The following PLSCR5 variants were observed in gnomAD, a reference collection of about 807,000 sequenced individuals.
PLSCR5 encodes the protein phospholipid scramblase family, member 5.
PLSCR5 carries 44 observed loss-of-function variants against 33.6 expected under a neutral mutation model. That is an observed-to-expected ratio of 1.31 (90% CI 1.03 to 1.69). The LOEUF is 1.69. Ranked by LOEUF, PLSCR5 falls within the 40% of genes most tolerant of loss-of-function variation. The probability of loss-of-function intolerance (pLI) is 0.00; values close to 1 mark genes in which losing one functional copy is unlikely to be tolerated. For synonymous variants in PLSCR5, 148 were observed against 112.3 expected (o/e 1.32, Z -2.01); for missense variants, 375 against 318.7 (o/e 1.18, Z -1.34).
At chr3:146,599,679 CTT>C (rs34180865) in intron 2 of PLSCR5, among the ~76,000 whole-genome samples, 14,062 of 139,134 alleles carry the variant, frequency 0.1, 751 homozygotes, top group East Asian at 0.16. Context: ...CTTTTCTTTT[CTT>C]TTTTTTTTTT....
chr3:146,604,229 A>G (rs1472996406), intron 1 of PLSCR5, among the ~76,000 whole-genome samples: 1 of 152,124 alleles, frequency 6.6e-6, no homozygotes, highest in Non-Finnish European at 1.5e-5. Flanking sequence ...CTGACAATGA[A>G]ATGAAAGCAC....
chr3:146,601,193 T>G (rs933000757), intron 1 of PLSCR5, among the ~76,000 whole-genome samples: 7 of 151,800 alleles, frequency 4.6e-5, no homozygotes, highest in Admixed American at 2.6e-4. Context: ...ATTTTGAAAT[T>G]TGGGGGTTTG....
At chr3:146,584,335 TC>T (rs1483810445), downstream of PLSCR5, among the ~76,000 whole-genome samples, 1 of 152,114 alleles carries the variant, frequency 6.6e-6, no homozygotes, top group Non-Finnish European at 1.5e-5. Context: ...CTCAAGGAGA[TC>T]CCCAAAGATC....
chr3:146,585,597 A>T (rs946265782), downstream of PLSCR5, among the ~76,000 whole-genome samples: 3 of 152,086 alleles, frequency 2.0e-5, no homozygotes, highest in African/African-American at 4.8e-5. Context: ...TTTTGAAAAA[A>T]TGTTTTAGAA....
chr3:146,586,077 T>G lies in PLSCR5; in HGVS notation c.813A>C (p.Leu271Phe), dbSNP rs2044663676. ...ATTGTTTTCATTATCTTGGTTATTA[T>G]AATCCAGCCAGTGAATGTTCAAAGA... ...FMFFEHSLAGL is the reference protein window; with the variant it reads ...FMFFEHSLAGF The change falls in exon 7 of 8, where the codon TTA (leucine) becomes TTC (phenylalanine). Residue 271 changes from leucine (L) to phenylalanine (F), a missense_variant. Coordinates refer to ENST00000443512, the MANE Select transcript of PLSCR5 (RefSeq NM_001085420.2). The G allele has an allele frequency of 6.7e-7, 1 of 1,485,896 alleles. No homozygotes were observed. Among genetic ancestry groups the G allele is most frequent in the Non-Finnish European group, 9.0e-7 (1 of 1,115,566 alleles). 92.0% of individuals were successfully genotyped at this position (1,485,896 alleles called of 1,614,324 possible).
At chr3:146,600,191 G>T in intron 2 of PLSCR5, 97 bp downstream of exon 2, 1 of 933,744 alleles carries the variant, frequency 1.1e-6, no homozygotes, top group Non-Finnish European at 1.4e-6. Context: ...GTAAATTATT[G>T]GTTAAATTCT....
chr3:146,593,448 G>T (rs951834681), intron 4 of PLSCR5, among the ~76,000 whole-genome samples: 4 of 152,100 alleles, frequency 2.6e-5, no homozygotes, highest in African/African-American at 7.2e-5. Flanking sequence ...CAATAACATT[G>T]TCTTGCCAAA....
At chr3:146,603,156 T>C (rs1179906069) in intron 1 of PLSCR5, among the ~76,000 whole-genome samples, 1 of 152,276 alleles carries the variant, frequency 6.6e-6, no homozygotes, top group Non-Finnish European at 1.5e-5. Flanking sequence ...TTTGGTTTAG[T>C]AGTGCTGATT....
chr3:146,598,370 C>T (rs1213417227), intron 2 of PLSCR5, among the ~76,000 whole-genome samples: 1 of 152,060 alleles, frequency 6.6e-6, no homozygotes, highest in Non-Finnish European at 1.5e-5. Context: ...TTTATATGTG[C>T]ACTGCTTTAA....
chr3:146,597,600 C>T (rs343282), intron 2 of PLSCR5, among the ~76,000 whole-genome samples: 110,697 of 152,086 alleles, frequency 0.73, 40,394 homozygotes, highest in African/African-American at 0.76. Context: ...TTGTTTTAGG[C>T]TGTTCTTGTA....
chr3:146,597,005 T>C (rs1417178290), intron 2 of PLSCR5, among the ~76,000 whole-genome samples: 2 of 152,174 alleles, frequency 1.3e-5, no homozygotes, highest in Admixed American at 6.6e-5. Flanking sequence ...AACGGAGTGG[T>C]AAGCCTCAAC....
intron 6 of PLSCR5, among the ~76,000 whole-genome samples, chr3:146,588,646 G>C (rs906874379): frequency 1.3e-5 from 2 of 152,092 alleles, no homozygotes; most frequent in Non-Finnish European, 2.9e-5. Flanking sequence ...CATACTTCAT[G>C]ATCTTGGATT....
intron 7 of PLSCR5, 33 bp downstream of exon 7, chr3:146,585,997 G>A: frequency 7.3e-7 from 1 of 1,374,174 alleles, no homozygotes; most frequent in Non-Finnish European, 9.7e-7. Flanking sequence ...TCTTCAAAGG[G>A]AAAGAGATCA....
chr3:146,583,322 AAATG>A (rs1178353455), downstream of PLSCR5, among the ~76,000 whole-genome samples: 1 of 152,332 alleles, frequency 6.6e-6, no homozygotes, highest in South Asian at 2.1e-4. Flanking sequence ...ATATTTATTT[AAATG>A]AATGAATGAA....
intron 4 of PLSCR5, among the ~76,000 whole-genome samples, chr3:146,592,427 G>A (rs1272591902): frequency 6.6e-6 from 1 of 152,074 alleles, no homozygotes; most frequent in Non-Finnish European, 1.5e-5. Flanking sequence ...GGCTTCCAAA[G>A]TGTTCGAGAC....
downstream of PLSCR5, chr3:146,585,797 T>A (rs747861364): frequency 1.1e-4 from 25 of 236,554 alleles, no homozygotes; most frequent in Non-Finnish European, 1.7e-4. Context: ...CTCAGGCCAG[T>A]AATCACGTAT....
chr3:146,588,512 T>A (rs538426296), intron 6 of PLSCR5, among the ~76,000 whole-genome samples: 2 of 151,970 alleles, frequency 1.3e-5, no homozygotes, highest in South Asian at 4.2e-4. Flanking sequence ...AAAATGCCAA[T>A]GTCATGAGAC....
chr3:146,601,054 C>A (rs978768208), intron 1 of PLSCR5, among the ~76,000 whole-genome samples: 1 of 150,116 alleles, frequency 6.7e-6, no homozygotes, highest in Non-Finnish European at 1.5e-5. Context: ...TTGTAGCTCA[C>A]CCAATATTAC....
intron 2 of PLSCR5, 142 bp from the exon 3 acceptor site, chr3:146,595,225 C>T: frequency 2.4e-6 from 1 of 422,516 alleles, no homozygotes; most frequent in South Asian, 1.2e-4. Flanking sequence ...TTGAAAATAT[C>T]TCACATTTTA....
Sources: gnomAD v4.1 joint callset for allele counts (sites outside exome capture counted in the v4.1 genomes callset) on GRCh38, gnomAD v4.1.1 for gene constraint, MANE v1.5 for transcripts, NCBI Gene and HGNC (gene_info 2026-07-23, HGNC 2026-07-21) for gene names.